TASP1: variants seen among roughly 807,000 people sequenced by gnomAD.
TASP1 encodes taspase 1.
In TASP1, 16 loss-of-function variants were observed where a neutral mutation model predicts 56.6. The observed-to-expected ratio is 0.28, with a 90% CI of 0.19 to 0.43. TASP1 has a LOEUF of 0.43. Ranked by LOEUF, TASP1 falls within the 20% of genes least tolerant of loss-of-function variation. TASP1 has a pLI of 1.00. For synonymous variants in TASP1, 179 were observed against 184.2 expected, an observed-to-expected ratio of 0.97 and a Z score of 0.23; for missense variants, 393 against 511.6, an observed-to-expected ratio of 0.77 and a Z score of 2.24.
chr20:13,304,298 C>T, the TASP1 span, among the ~76,000 whole-genome samples: 1 of 152,154 alleles, frequency 6.6e-6, no homozygotes, highest in Non-Finnish European at 1.5e-5. Context: ...CTACCCAATC[C>T]ACAAGACAGG....
the TASP1 span, among the ~76,000 whole-genome samples, chr20:13,138,805 A>G: frequency 6.6e-6 from 1 of 152,208 alleles, no homozygotes; most frequent in East Asian, 1.9e-4. Context: ...TCTAGACACC[A>G]TCAGATATGG....
chr20:13,121,666 A>G, the TASP1 span, among the ~76,000 whole-genome samples: 835 of 152,232 alleles, frequency 5.5e-3, 10 homozygotes, highest in African/African-American at 0.019. Context: ...ATAGCACCCA[A>G]TGGGGGAACG....
At chr20:13,265,675 G>C in the TASP1 span, among the ~76,000 whole-genome samples, 1 of 152,168 alleles carries the variant, frequency 6.6e-6, no homozygotes, top group African/African-American at 2.4e-5. Context: ...AATTGTGATA[G>C]TATTTGGTTG....
intron 8 of TASP1, among the ~76,000 whole-genome samples, chr20:13,541,950 C>A (rs2045638054): frequency 6.7e-6 from 1 of 149,998 alleles, no homozygotes; most frequent in African/African-American, 2.5e-5. Flanking sequence ...GAGGCTGAGG[C>A]AGGAGAATTG....
At chr20:13,542,509 G>A (rs1331278657) in intron 8 of TASP1, among the ~76,000 whole-genome samples, 1 of 152,114 alleles carries the variant, frequency 6.6e-6, no homozygotes, top group Non-Finnish European at 1.5e-5. Context: ...ATATTAAAAA[G>A]CTTGATTTTA....
intron 4 of TASP1, among the ~76,000 whole-genome samples, chr20:13,612,406 C>T (rs1478673593): frequency 6.6e-6 from 1 of 151,682 alleles, no homozygotes; most frequent in Non-Finnish European, 1.5e-5. Flanking sequence ...TTAGTATAGA[C>T]AACTTCATCT....
intron 11 of TASP1, among the ~76,000 whole-genome samples, chr20:13,482,716 C>T (rs913114407): frequency 6.6e-6 from 1 of 152,096 alleles, no homozygotes; most frequent in African/African-American, 2.4e-5. Context: ...ATAACAATTA[C>T]GTAAATCACA....
At chr20:13,545,182 C>T (rs575030053) in intron 8 of TASP1, among the ~76,000 whole-genome samples, 15 of 152,150 alleles carry the variant, frequency 9.9e-5, no homozygotes, top group African/African-American at 2.9e-4. Context: ...GAAATAGTAC[C>T]TATATACTCT....
At chr20:13,431,301 A>G (rs2042797065) in intron 12 of TASP1, among the ~76,000 whole-genome samples, 1 of 152,148 alleles carries the variant, frequency 6.6e-6, no homozygotes, top group Admixed American at 6.5e-5. Context: ...ACACGAAGCA[A>G]ATTAATTTAT....
intron 11 of TASP1, among the ~76,000 whole-genome samples, chr20:13,476,803 G>A (rs748792331): frequency 2.0e-5 from 3 of 152,112 alleles, no homozygotes; most frequent in African/African-American, 7.2e-5. Flanking sequence ...GTTTGGACAT[G>A]TGAGTATAAC....
At chr20:13,164,655 G>C in the TASP1 span, 1 of 847,216 alleles carries the variant, frequency 1.2e-6, no homozygotes, top group East Asian at 2.7e-5. Flanking sequence ...AGCAAACTAA[G>C]ACTGTGTGTC....
intron 12 of TASP1, among the ~76,000 whole-genome samples, chr20:13,427,061 T>C (rs960313748): frequency 4.6e-5 from 7 of 152,228 alleles, no homozygotes; most frequent in Admixed American, 1.3e-4. Flanking sequence ...CCAGCAGAAA[T>C]GCCTAGTCAT....
chr20:13,258,879 C>T, the TASP1 span, among the ~76,000 whole-genome samples: 4 of 152,124 alleles, frequency 2.6e-5, no homozygotes, highest in Admixed American at 6.5e-5. Context: ...ATACTGGTTC[C>T]GGCTTGTCAG....
chr20:13,133,771 G>T, the TASP1 span, among the ~76,000 whole-genome samples: 3 of 152,130 alleles, frequency 2.0e-5, no homozygotes, highest in African/African-American at 7.2e-5. Context: ...GGGAACTTAC[G>T]TACAGGGATG....
At chr20:13,525,285 C>T (rs1469549728) in intron 10 of TASP1, among the ~76,000 whole-genome samples, 1 of 152,114 alleles carries the variant, frequency 6.6e-6, no homozygotes, top group Non-Finnish European at 1.5e-5. Context: ...TACAAATAAC[C>T]CCTTGCCCAG....
chr20:13,534,195 A>T, intron 8 of TASP1, 54 bp from the exon 9 acceptor site: 1 of 1,599,554 alleles, frequency 6.3e-7, no homozygotes, highest in Non-Finnish European at 8.5e-7. Flanking sequence ...GGACAATCTG[A>T]TATGACTACA....
At chr20:13,620,265 TACACACACACAC>T (rs757563847) in intron 4 of TASP1, among the ~76,000 whole-genome samples, 8 of 145,662 alleles carry the variant, frequency 5.5e-5, no homozygotes, top group South Asian at 2.2e-4. Context: ...CTGTGGTATT[TACACACACACAC>T]ACACACACAC....
intron 10 of TASP1, among the ~76,000 whole-genome samples, chr20:13,498,075 G>C (rs2043795900): frequency 6.6e-6 from 1 of 152,016 alleles, no homozygotes; most frequent in Admixed American, 6.6e-5. Flanking sequence ...ATATGACTAA[G>C]ACCTCAAAAG....
chr20:13,503,716 A>T (rs1487539955), intron 10 of TASP1, among the ~76,000 whole-genome samples: 3 of 152,140 alleles, frequency 2.0e-5, no homozygotes, highest in African/African-American at 4.8e-5. Flanking sequence ...AACACAATAA[A>T]ATCAGAAAAA....
Sources: gnomAD v4.1 joint callset for allele counts (sites outside exome capture counted in the v4.1 genomes callset) on GRCh38, gnomAD v4.1.1 for gene constraint, MANE v1.5 for transcripts, NCBI Gene and HGNC (gene_info 2026-07-23, HGNC 2026-07-21) for gene names.